Variants in DCP2 observed in about 807,000 individuals in gnomAD.
DCP2 encodes m7GpppN-mRNA hydrolase.
In DCP2, 30 loss-of-function variants were observed where a neutral mutation model predicts 56.1. The ratio of observed to expected loss-of-function variants is 0.53; its 90% confidence interval spans 0.40 to 0.73. The LOEUF (loss-of-function observed/expected upper bound fraction) is 0.73, where lower values mean the gene tolerates loss of function less well. DCP2 is among the 30% of genes least tolerant of loss of function. The probability of loss-of-function intolerance (pLI) is 0.00; values close to 1 mark genes in which losing one functional copy is unlikely to be tolerated. For synonymous variants in DCP2, 197 were observed against 163.3 expected (o/e 1.21, Z -1.57); for missense variants, 533 against 502.7 (o/e 1.06, Z -0.58).
chr5:112,980,697 T>C (rs531048129), intron 1 of DCP2, among the ~76,000 whole-genome samples: 1 of 152,236 alleles, frequency 6.6e-6, no homozygotes, highest in Non-Finnish European at 1.5e-5. Flanking sequence ...TATGTAATCA[T>C]GTACATGGTT....
chr5:112,989,526 T>C (rs1039029602), intron 2 of DCP2, among the ~76,000 whole-genome samples: 1 of 152,168 alleles, frequency 6.6e-6, no homozygotes, highest in African/African-American at 2.4e-5. Context: ...TACTGTATTT[T>C]AGACTAAATG....
intron 8 of DCP2, 79 bp from the exon 9 acceptor site, chr5:113,007,859 A>C: frequency 7.8e-7 from 1 of 1,279,906 alleles, no homozygotes; most frequent in Non-Finnish European, 1.1e-6. Context: ...TCAACCAGCT[A>C]AACATATTCA....
chr5:112,986,665 T>C (rs573568495), intron 2 of DCP2, among the ~76,000 whole-genome samples: 2 of 152,232 alleles, frequency 1.3e-5, no homozygotes, highest in Admixed American at 1.3e-4. Context: ...ATTGAATGTT[T>C]ACTATGTTTG....
In DCP2 at chr5:113,010,747, TTTA is replaced by T; in HGVS notation, c.1048-8_1048-6del. The T allele has an allele frequency of 6.4e-7, 1 of 1,572,666 alleles. No individual in the cohort carries two copies. Among genetic ancestry groups the T allele is most frequent in the Non-Finnish European group, 8.5e-7 (1 of 1,169,598 alleles). On this transcript the variant is annotated splice_region_variant and splice_polypyrimidine_tract_variant and intron_variant, in intron 9 of 10. Coordinates refer to ENST00000389063, the MANE Select transcript of DCP2 (RefSeq NM_152624.6). The stretch of plus-strand genomic sequence containing the variant: ...TGTGTGTGTGTGTGTTTTTTTTTTT[TTTA>T]AATAGAAGTGTGAAAAGAAACTTCA...
chr5:112,990,118 T>C (rs1382842767), intron 2 of DCP2, among the ~76,000 whole-genome samples: 1 of 152,088 alleles, frequency 6.6e-6, no homozygotes, highest in Non-Finnish European at 1.5e-5. Context: ...GGCAAGAAAA[T>C]GAGAAATGTA....
chr5:112,986,528 G>A (rs1165233229), intron 2 of DCP2, among the ~76,000 whole-genome samples: 1 of 151,802 alleles, frequency 6.6e-6, no homozygotes, highest in African/African-American at 2.4e-5. Context: ...CTAAAAATGG[G>A]GGTCTCTCTT....
chr5:112,996,169 A>G lies in DCP2; in HGVS notation c.432+3399A>G, dbSNP rs1420600692. On this transcript the variant is annotated intron_variant, in intron 4 of 10. Coordinates refer to ENST00000389063, the MANE Select transcript of DCP2 (RefSeq NM_152624.6). ...TAGCAGTGGCCTTTTTTGAATGATG[A>G]AAGTATTCAGCTAGAATTGCAGTTT... Among the ~76,000 whole-genome samples, 4 of 152,184 alleles carry G rather than the reference A, an allele frequency of 2.6e-5. No homozygotes were observed. In the East Asian group the frequency reaches 7.7e-4, roughly 29 times the overall value.
rs1417249182 is a variant in DCP2 at position 113,021,297 on chromosome 5, G to A, written c.*7813G>A. Among the ~76,000 whole-genome samples, 1 of 151,012 alleles carries A rather than the reference G, an allele frequency of 6.6e-6. No individual in the cohort carries two copies. Among genetic ancestry groups the A allele is most frequent in the Admixed American group, 6.6e-5 (1 of 15,128 alleles). On this transcript the variant is annotated 3_prime_UTR_variant, in exon 11 of 11. Transcript: ENST00000389063. ...CAGGAGAATCTCTTGACCCCGGGAG[G>A]CAGAGGTCGCAGTGAGCTGAGATCA...
intron 1 of DCP2, among the ~76,000 whole-genome samples, chr5:112,982,025 C>T (rs1465401098): frequency 6.6e-6 from 1 of 152,222 alleles, no homozygotes; most frequent in East Asian, 1.9e-4. Flanking sequence ...GCCATGGCCT[C>T]CCAAAGTGCT....
chr5:112,981,033 T>C (rs1390427371), intron 1 of DCP2, among the ~76,000 whole-genome samples: 1 of 152,048 alleles, frequency 6.6e-6, no homozygotes, highest in Non-Finnish European at 1.5e-5. Context: ...TTTATGATTT[T>C]TTTTTTAGAG....
At chr5:112,993,931 A>G (rs1033931787) in intron 4 of DCP2, among the ~76,000 whole-genome samples, 6 of 150,468 alleles carry the variant, frequency 4.0e-5, no homozygotes, top group African/African-American at 1.5e-4. Flanking sequence ...TTTGTTGTCC[A>G]GTGGCAACAT....
chr5:112,980,572 C>T (rs1399624950), intron 1 of DCP2, among the ~76,000 whole-genome samples: 2 of 119,690 alleles, frequency 1.7e-5, no homozygotes, highest in African/African-American at 7.5e-5. Context: ...CACATATGTA[C>T]ACGTACTTTT....
At chr5:112,990,668 C>T (rs1219533014) in intron 2 of DCP2, among the ~76,000 whole-genome samples, 1 of 152,100 alleles carries the variant, frequency 6.6e-6, no homozygotes, top group African/African-American at 2.4e-5. Flanking sequence ...TCTTGAACTC[C>T]TGGGCTCAAG....
In DCP2 at chr5:113,018,841, A is replaced by G. The variant is rs985421136; in HGVS notation, c.*5357A>G. On this transcript the variant is annotated 3_prime_UTR_variant, in exon 11 of 11. Transcript: ENST00000389063. ...AATTTGTTTCACATCTTTATAGCAA[A>G]CCTGCCACAGACTTGCAAGCAGTGA... The G allele has an allele frequency of 6.6e-6, 1 of 151,756 alleles. No individual in the cohort carries two copies. The highest frequency in any genetic ancestry group is 1.5e-5 in the Non-Finnish European group (1 of 67,856). 9.4% of individuals were successfully genotyped at this position (151,756 alleles called of 1,614,324 possible).
chr5:112,991,705 A>G (rs1177681285), intron 2 of DCP2, among the ~76,000 whole-genome samples: 1 of 152,134 alleles, frequency 6.6e-6, no homozygotes, highest in Non-Finnish European at 1.5e-5. Context: ...TTATATATGT[A>G]ATTCTATTTC....
chr5:113,008,188 C>A (rs549033153), intron 9 of DCP2, 146 bp downstream of exon 9: 6 of 580,640 alleles, frequency 1.0e-5, no homozygotes, highest in East Asian at 2.8e-5. Flanking sequence ...GACTTGTGCA[C>A]TATTCACACT....
chr5:112,984,697 A>ATATATAT lies in DCP2; in HGVS notation c.54-1138_54-1137insTATATAT, dbSNP rs1436502850. The ATATATAT allele has an allele frequency of 7.5e-3, 571 of 76,086 alleles. 3 individuals are homozygous for ATATATAT. The highest frequency in any genetic ancestry group is 0.026 in the Middle Eastern group (4 of 156). 4.7% of individuals were successfully genotyped at this position (76,086 alleles called of 1,614,324 possible). ...TTTTATTTCTTAATTAAAAAAAAAAAAAAAAAATATATATATATATATATA... is the reference window on the plus strand; with the variant it reads ...TTTTATTTCTTAATTAAAAAAAAAAATATATATAAAAAAATATATATATATATATATA... On this transcript the variant is annotated intron_variant, in intron 1 of 10. Coordinates refer to ENST00000389063, the MANE Select transcript of DCP2 (RefSeq NM_152624.6).
At chr5:112,997,239 C>T (rs1417496875) in intron 4 of DCP2, among the ~76,000 whole-genome samples, 2 of 152,152 alleles carry the variant, frequency 1.3e-5, no homozygotes, top group Non-Finnish European at 2.9e-5. Context: ...ATACCGTGGC[C>T]TCCTATAAGT....
At chr5:112,996,409 T>C (rs945117034) in intron 4 of DCP2, among the ~76,000 whole-genome samples, 4 of 152,138 alleles carry the variant, frequency 2.6e-5, no homozygotes, top group African/African-American at 9.7e-5. Context: ...TTTGAGCACT[T>C]TTTTTTTCTT....
Sources: allele counts gnomAD v4.1 joint callset (sites outside exome capture counted in the v4.1 genomes callset), GRCh38; gene constraint gnomAD v4.1.1; transcripts MANE v1.5; gene names NCBI Gene and HGNC (gene_info 2026-07-23, HGNC 2026-07-21).